CILK1: variants seen among roughly 807,000 people sequenced by gnomAD.
CILK1 encodes the protein serine/threonine-protein kinase ICK.
A neutral mutation model predicts 79.2 loss-of-function variants in CILK1; 47 were observed. The ratio of observed to expected loss-of-function variants is 0.59; its 90% CI spans 0.47 to 0.76. CILK1 has a LOEUF of 0.76. Ranked by LOEUF, CILK1 falls within the 30% of genes least tolerant of loss-of-function variation. CILK1 has a pLI of 0.00. For missense variants in CILK1, 660 were observed against 769.5 expected (o/e 0.86, Z 1.68); for synonymous variants, 266 against 275.9 (o/e 0.96, Z 0.36).
rs1267971742 is a variant in CILK1 at position 53,041,180 on chromosome 6, C to A, written c.57G>T (p.Leu19=). The A allele has an allele frequency of 1.9e-6, 3 of 1,613,908 alleles. No individual in the cohort carries two copies. The highest frequency in any genetic ancestry group is 2.5e-6 in the Non-Finnish European group (3 of 1,179,916). ...QLGDGTYGSV[L]LGRSIESGEL... is the part of the protein sequence containing the mutation. ...CCCCAGACTCAATGCTTCTTCCCAGCAGGACGGAACCGTAGGTTCCATCCC... is the reference window on the plus strand; with the variant it reads ...CCCCAGACTCAATGCTTCTTCCCAGAAGGACGGAACCGTAGGTTCCATCCC... Residue 19 remains leucine, a synonymous_variant, in exon 2 of 14, where the codon CTG becomes CTT. Coordinates refer to ENST00000676107, the MANE Select transcript of CILK1 (RefSeq NM_014920.5).
intron 11 of CILK1, among the ~76,000 whole-genome samples, 176 bp from the exon 12 acceptor site, chr6:53,009,743 C>T (rs1425094967): frequency 6.6e-6 from 1 of 152,224 alleles, no homozygotes; most frequent in Non-Finnish European, 1.5e-5. Flanking sequence ...AGATATCTCA[C>T]TGGTTGGTGG....
At chr6:53,056,464 G>C (rs1767880040) in intron 1 of CILK1, among the ~76,000 whole-genome samples, 1 of 152,214 alleles carries the variant, frequency 6.6e-6, no homozygotes, top group Non-Finnish European at 1.5e-5. Context: ...CTGTGTTCCA[G>C]TACAAATTTA....
intron 3 of CILK1, among the ~76,000 whole-genome samples, chr6:53,037,371 T>C (rs1437882544): frequency 7.9e-6 from 1 of 126,572 alleles, no homozygotes; most frequent in Non-Finnish European, 1.7e-5. Context: ...TGCTCCACAA[T>C]GCTTGACATG....
At chr6:53,030,745 A>G (rs1269381614) in intron 5 of CILK1, among the ~76,000 whole-genome samples, 1 of 152,246 alleles carries the variant, frequency 6.6e-6, no homozygotes, top group African/African-American at 2.4e-5. Context: ...ACCAAACATA[A>G]TACATGAAAC....
chr6:53,017,140 A>G (rs1044599092), intron 7 of CILK1, among the ~76,000 whole-genome samples: 1 of 152,236 alleles, frequency 6.6e-6, no homozygotes, highest in African/African-American at 2.4e-5. Context: ...CAGAGGAGAA[A>G]GATTCCAGCA....
chr6:53,034,915 C>T (rs532043367), intron 3 of CILK1, among the ~76,000 whole-genome samples: 35 of 152,124 alleles, frequency 2.3e-4, no homozygotes, highest in African/African-American at 7.5e-4. Flanking sequence ...GCGGGCATGT[C>T]AGGAGGGAAG....
chr6:53,005,376 G>T, intron 13 of CILK1, 73 bp from the exon 14 acceptor site: 1 of 1,529,930 alleles, frequency 6.5e-7, no homozygotes, highest in Non-Finnish European at 9.0e-7. Context: ...AATGCATTTT[G>T]GTGACAAAAA....
chr6:53,061,020 G>A (rs1768402765), intron 1 of CILK1: 2 of 152,242 alleles, frequency 1.3e-5, no homozygotes, highest in Admixed American at 1.3e-4. Flanking sequence ...GTCTTATTTA[G>A]TTGTAAGTGG....
At position 53,018,457 on chromosome 6, in the gene CILK1, G is replaced by A; in HGVS notation, c.536C>T (p.Ser179Phe). The A allele has an allele frequency of 6.2e-7, 1 of 1,614,218 alleles. No individual in the cohort carries two copies. Among genetic ancestry groups the A allele is most frequent in the Non-Finnish European group, 8.5e-7 (1 of 1,180,028 alleles). The change falls in exon 7 of 14, where the codon TCC (serine) becomes TTC (phenylalanine). Residue 179 changes from serine (S) to phenylalanine (F), a missense_variant. By Grantham distance (155) the Ser-to-Phe change is radical. Transcript: ENST00000676107. Reference protein sequence around the residue: ...EVLLRSTNYSSPIDVWAVGCI... With the variant: ...EVLLRSTNYSFPIDVWAVGCI... ...GCCCACCGCCCAGACGTCAATGGGG[G>A]AGCTGTAGTTGGTAGACCTCAGGAG...
At chr6:53,018,246 C>A (rs1158518034) in intron 7 of CILK1, 84 bp downstream of exon 7, 5 of 1,326,920 alleles carry the variant, frequency 3.8e-6, no homozygotes, top group South Asian at 1.2e-5. Flanking sequence ...GGTGCTCAAT[C>A]ATGCCAGTGC....
intron 7 of CILK1, among the ~76,000 whole-genome samples, chr6:53,017,761 T>A (rs1764976480): frequency 6.6e-6 from 1 of 152,054 alleles, no homozygotes. Flanking sequence ...TCAACAGGAT[T>A]TACCCACCAA....
chr6:53,006,318 G>A lies in CILK1; in HGVS notation c.1741C>T (p.Pro581Ser). 2 of 1,613,600 alleles carry A rather than the reference G, an allele frequency of 1.2e-6. No homozygotes were observed. Among genetic ancestry groups the A allele is most frequent in the Non-Finnish European group, 1.7e-6 (2 of 1,179,660 alleles). Residue 581 changes from proline to serine, a missense_variant, in exon 13 of 14, where the codon CCT (proline) becomes TCT (serine). Pro to Ser is a moderately conservative substitution (Grantham distance 74, BLOSUM62 -1). Coordinates refer to ENST00000676107, the MANE Select transcript of CILK1 (RefSeq NM_014920.5). ...AATAATTTAAAATACAACTCACCAGGGGAAGGGTCTGGAATAGGTGCTAGG... is the reference window on the plus strand; with the variant it reads ...AATAATTTAAAATACAACTCACCAGAGGAAGGGTCTGGAATAGGTGCTAGG... The part of the protein sequence containing the change: ...VHLAPIPDPS[P>S]GYSSLKAMRP...
intron 9 of CILK1, among the ~76,000 whole-genome samples, chr6:53,012,449 T>C (rs1429024973): frequency 6.6e-6 from 1 of 152,174 alleles, no homozygotes; most frequent in African/African-American, 2.4e-5. Flanking sequence ...GTTAAAGTTG[T>C]ATAAAATAAG....
chr6:53,021,417 C>T (rs998701223), intron 5 of CILK1, among the ~76,000 whole-genome samples: 2 of 152,128 alleles, frequency 1.3e-5, no homozygotes, highest in Non-Finnish European at 2.9e-5. Flanking sequence ...TTCTTGCAGA[C>T]CTTCCTTGCT....
chr6:53,041,452 T>G (rs1449858162), intron 1 of CILK1, 44 bp from the exon 2 acceptor site: 7 of 530,826 alleles, frequency 1.3e-5, no homozygotes, highest in Non-Finnish European at 2.4e-5. Flanking sequence ...TAATATACAT[T>G]TTGAGTATAC....
At chr6:53,021,345 G>GT (rs1043857207) in intron 5 of CILK1, among the ~76,000 whole-genome samples, 2 of 151,754 alleles carry the variant, frequency 1.3e-5, no homozygotes, top group African/African-American at 4.8e-5. Flanking sequence ...GGGGGGGTTG[G>GT]GGGGGTAAAT....
In CILK1 at chr6:53,005,137, C is replaced by G; in HGVS notation, c.*12G>C. The G allele has an allele frequency of 6.2e-7, 1 of 1,614,040 alleles. No homozygotes were observed. The highest frequency in any genetic ancestry group is 8.5e-7 in the Non-Finnish European group (1 of 1,180,034). ...TTCTCCCTAGGAAGAGATTCATCAC[C>G]AAGGCAGACAGTCATCGCCGAGATG... On this transcript the variant is annotated 3_prime_UTR_variant, in exon 14 of 14. Transcript: ENST00000676107.
At chr6:53,011,619 G>T (rs1315245787) in intron 11 of CILK1, 150 bp downstream of exon 11, 5 of 847,464 alleles carry the variant, frequency 5.9e-6, no homozygotes, top group Non-Finnish European at 1.0e-5. Flanking sequence ...TGAGGCTTGG[G>T]CTTCAGCAAA....
intron 1 of CILK1, among the ~76,000 whole-genome samples, chr6:53,044,635 T>A (rs1006098615): frequency 6.6e-6 from 1 of 152,166 alleles, no homozygotes; most frequent in Non-Finnish European, 1.5e-5. Context: ...GAGTATGCTA[T>A]GGACTGAATG....
Sources: allele counts gnomAD v4.1 joint callset (sites outside exome capture counted in the v4.1 genomes callset), GRCh38; gene constraint gnomAD v4.1.1; transcripts MANE v1.5; gene names NCBI Gene and HGNC (gene_info 2026-07-23, HGNC 2026-07-21).